The following WDTC1 variants were observed in gnomAD, a reference collection of about 807,000 sequenced individuals.
WDTC1 encodes the protein WD and tetratricopeptide repeats 1.
A neutral mutation model predicts 76.0 loss-of-function variants in WDTC1; 12 were observed. That is an observed-to-expected ratio of 0.16 (90% CI 0.10 to 0.26). The LOEUF (loss-of-function observed/expected upper bound fraction) is 0.26, where lower values mean the gene tolerates loss of function less well. Among genes scored for constraint, WDTC1 ranks in the 10% least tolerant of loss-of-function variants. WDTC1 has a pLI of 1.00. For synonymous variants in WDTC1, 326 were observed against 350.8 expected, an observed-to-expected ratio of 0.93 and a Z score of 0.79; for missense variants, 511 against 908.8, an observed-to-expected ratio of 0.56 and a Z score of 5.63.
rs1372762818 is a variant in WDTC1, at chr1:27,303,271, A to T, written c.1469-350A>T. Among the ~76,000 whole-genome samples, 1 of 151,800 alleles carries T rather than the reference A, an allele frequency of 6.6e-6. No homozygotes were observed. The highest frequency in any genetic ancestry group is 1.5e-5 in the Non-Finnish European group (1 of 67,928). On this transcript the variant is annotated intron_variant, in intron 13 of 15. Coordinates refer to ENST00000319394, the MANE Select transcript of WDTC1 (RefSeq NM_001276252.2). This position sits in a 1 kb window ranked among gnomAD's most constrained non-coding sequence, Gnocchi z 4.8. The stretch of plus-strand genomic sequence containing the variant: ...CCTGCGTGACCATCTCAAAAAAAAA[A>T]AAAAAAGTCATCCATTCTCTCTTTG...
At chr1:27,293,957 G>T in intron 7 of WDTC1, 65 bp from the exon 8 acceptor site, 7 of 1,479,958 alleles carry the variant, frequency 4.7e-6, no homozygotes, top group Non-Finnish European at 6.5e-6. Flanking sequence ...CGTCTAGTGA[G>T]TGTGGTCTGG....
Position 27,306,594 on chromosome 1 carries a change from C to G in WDTC1, c.*211C>G. Reference sequence around the variant, plus strand: ...GATTGTCCCCTGACTATCCCCAGCCCTGAAAAAAAGAGCAGGAGGGGACAC... The same window carrying G: ...GATTGTCCCCTGACTATCCCCAGCCGTGAAAAAAAGAGCAGGAGGGGACAC... On this transcript the variant is annotated 3_prime_UTR_variant, in exon 16 of 16. Transcript: ENST00000319394. This position sits in a 1 kb window ranked among gnomAD's most constrained non-coding sequence, Gnocchi z 5.0. The G allele has an allele frequency of 1.6e-6, 1 of 637,288 alleles. No homozygotes were observed. Among genetic ancestry groups the G allele is most frequent in the Non-Finnish European group, 2.7e-6 (1 of 375,684 alleles). The allele number at this position is 637,288 out of a possible 1,614,324, so 39.5% of individuals were successfully genotyped here. A position where few individuals can be genotyped will look rare whatever the true frequency, so the allele number is the denominator to read the frequency against.
At chr1:27,279,355 TG>T (rs1409397985) in intron 3 of WDTC1, among the ~76,000 whole-genome samples, 13 of 152,158 alleles carry the variant, frequency 8.5e-5, no homozygotes, top group Non-Finnish European at 1.6e-4. Flanking sequence ...CTGGTCAACA[TG>T]GCAAAACCCC....
chr1:27,261,191 C>T, intron 2 of WDTC1, 89 bp downstream of exon 2: 3 of 1,525,244 alleles, frequency 2.0e-6, no homozygotes, highest in Non-Finnish European at 2.7e-6. Context: ...AATCTATAGT[C>T]TGTGACTTGC....
At chr1:27,286,679 G>A (rs1283760363) in intron 5 of WDTC1, among the ~76,000 whole-genome samples, 3 of 151,286 alleles carry the variant, frequency 2.0e-5, no homozygotes, top group African/African-American at 7.3e-5. Context: ...AGCCAGGATG[G>A]TCTGGATCTC....
intron 5 of WDTC1, among the ~76,000 whole-genome samples, chr1:27,283,898 G>A (rs1054285587): frequency 2.0e-5 from 3 of 152,192 alleles, no homozygotes; most frequent in African/African-American, 7.2e-5. Context: ...AGTCTACAAG[G>A]TTGATGTGAC....
At chr1:27,260,912 C>T (rs950802854) in intron 1 of WDTC1, 44 bp from the exon 2 acceptor site, 2 of 945,724 alleles carry the variant, frequency 2.1e-6, no homozygotes, top group Non-Finnish European at 3.2e-6. Flanking sequence ...TTGGGAGTCA[C>T]TTTATTATCC....
chr1:27,300,604 A>G (rs889876171), intron 12 of WDTC1, among the ~76,000 whole-genome samples: 5 of 151,954 alleles, frequency 3.3e-5, no homozygotes, highest in African/African-American at 1.2e-4. Context: ...CCCCCTTACC[A>G]TCAGCTTCCA....
Position 27,304,993 on chromosome 1 carries a change from C to G in WDTC1, c.1644-8C>G. ...ACCTGACCTCCCTGCCCTTTGCCCC[C>G]CCGCCAGCAACGCTCAGTATATCGT... On this transcript the variant is annotated splice_polypyrimidine_tract_variant and splice_region_variant and intron_variant, in intron 14 of 15. Coordinates refer to ENST00000319394, the MANE Select transcript of WDTC1 (RefSeq NM_001276252.2). The G allele has an allele frequency of 1.2e-6, 2 of 1,608,570 alleles. No homozygotes were observed. The highest frequency in any genetic ancestry group is 1.7e-6 in the Non-Finnish European group (2 of 1,175,990).
chr1:27,267,867 C>T (rs1288839157), intron 3 of WDTC1, among the ~76,000 whole-genome samples: 3 of 151,912 alleles, frequency 2.0e-5, no homozygotes, highest in African/African-American at 4.8e-5. Context: ...TTATCCATAC[C>T]AATAGACATG....
At chr1:27,297,278 G>A (rs2013719347) in intron 11 of WDTC1, 122 bp downstream of exon 11, 3 of 893,454 alleles carry the variant, frequency 3.4e-6, no homozygotes, top group Non-Finnish European at 5.0e-6. Context: ...CAGAGAGTGA[G>A]GACCAAGGCA....
chr1:27,299,505 G>A (rs1033228195), intron 12 of WDTC1, among the ~76,000 whole-genome samples: 4 of 151,946 alleles, frequency 2.6e-5, no homozygotes, highest in Non-Finnish European at 4.4e-5. Flanking sequence ...TGTGGGGGAA[G>A]GACATTCCAG....
At chr1:27,257,141 C>T (rs1175698695) in intron 1 of WDTC1, among the ~76,000 whole-genome samples, 2 of 152,106 alleles carry the variant, frequency 1.3e-5, no homozygotes, top group African/African-American at 4.8e-5. Flanking sequence ...GGATTACAGG[C>T]GTGAGCCACC....
intron 1 of WDTC1, among the ~76,000 whole-genome samples, chr1:27,244,576 C>A (rs1378448603): frequency 6.6e-6 from 1 of 152,120 alleles, no homozygotes; most frequent in Non-Finnish European, 1.5e-5. Flanking sequence ...GACCTCCCGG[C>A]CTTCAAGTGA....
At chr1:27,257,525 G>A (rs1207249591) in intron 1 of WDTC1, among the ~76,000 whole-genome samples, 1 of 152,156 alleles carries the variant, frequency 6.6e-6, no homozygotes, top group Admixed American at 6.6e-5. Context: ...GCTTTGACCA[G>A]TATATCACAA....
At chr1:27,246,110 TAGAC>T (rs1187419354) in intron 1 of WDTC1, among the ~76,000 whole-genome samples, 17 of 152,348 alleles carry the variant, frequency 1.1e-4, no homozygotes, top group South Asian at 4.1e-4. Flanking sequence ...TACCATAAAA[TAGAC>T]AGTCTCTTAA....
intron 12 of WDTC1, among the ~76,000 whole-genome samples, chr1:27,299,992 C>T (rs1461913131): frequency 6.6e-6 from 1 of 152,180 alleles, no homozygotes; most frequent in Non-Finnish European, 1.5e-5. Flanking sequence ...CTCAGAGGGG[C>T]ACCTTGCAGG....
At chr1:27,292,684 C>A (rs2013568107) in intron 7 of WDTC1, among the ~76,000 whole-genome samples, 2 of 151,994 alleles carry the variant, frequency 1.3e-5, no homozygotes, top group African/African-American at 2.4e-5. Flanking sequence ...ACCTCGACCT[C>A]CCAAAGTGCT....
intron 3 of WDTC1, among the ~76,000 whole-genome samples, chr1:27,264,977 A>AT (rs2012613745): frequency 1.3e-5 from 2 of 151,474 alleles, no homozygotes. Flanking sequence ...TAATTTTTGT[A>AT]TTTTTTTGTA....
Sources: allele counts gnomAD v4.1 joint callset (sites outside exome capture counted in the v4.1 genomes callset), GRCh38; gene constraint gnomAD v4.1.1; non-coding constraint Gnocchi (gnomAD v3.1); transcripts MANE v1.5; gene names NCBI Gene and HGNC (gene_info 2026-07-23, HGNC 2026-07-21).